Variants in CALN1 observed in about 807,000 individuals in gnomAD.
The protein encoded by CALN1 is calneuron 1, also known as calcium-binding protein 8.
CALN1 carries 17 observed loss-of-function variants against 30.6 expected under a neutral mutation model. The observed-to-expected ratio is 0.56, with a 90% CI of 0.38 to 0.83. The LOEUF (loss-of-function observed/expected upper bound fraction) is 0.83. Ranked by LOEUF, CALN1 falls within the 40% of genes least tolerant of loss-of-function variation. CALN1 has a pLI of 0.00. For missense variants in CALN1, 291 were observed against 354.9 expected, an observed-to-expected ratio of 0.82 and a Z score of 1.45; for synonymous variants, 156 against 131.4, an observed-to-expected ratio of 1.19 and a Z score of -1.28.
intron 2 of CALN1, among the ~76,000 whole-genome samples, chr7:72,345,044 A>T (rs1167212605): frequency 6.8e-6 from 1 of 148,120 alleles, no homozygotes; most frequent in African/African-American, 2.4e-5. Flanking sequence ...GTTATATATT[A>T]TATCGTATGT....
At chr7:72,344,231 A>G (rs1432062566) in intron 2 of CALN1, among the ~76,000 whole-genome samples, 1 of 152,124 alleles carries the variant, frequency 6.6e-6, no homozygotes, top group African/African-American at 2.4e-5. Context: ...GAGAGAGACA[A>G]GCCACCCCCA....
At chr7:71,795,870 G>A (rs1436761890) in intron 6 of CALN1, among the ~76,000 whole-genome samples, 2 of 140,998 alleles carry the variant, frequency 1.4e-5, no homozygotes, top group African/African-American at 2.7e-5. Flanking sequence ...CCAGGCTGGA[G>A]TGCAGCGGCA....
the CALN1 span, among the ~76,000 whole-genome samples, chr7:72,454,468 C>T: frequency 6.6e-6 from 1 of 152,160 alleles, no homozygotes; most frequent in Admixed American, 6.5e-5. Context: ...ATAAAGTGAC[C>T]AGTTTTGAAT....
chr7:72,462,021 G>GAA, the CALN1 span, among the ~76,000 whole-genome samples: 64 of 139,694 alleles, frequency 4.6e-4, 1 homozygote, highest in Admixed American at 2.1e-3. Context: ...AAGAAAGAAA[G>GAA]AAAAAAAAAA....
At chr7:71,828,223 C>T (rs2116386394) in intron 5 of CALN1, among the ~76,000 whole-genome samples, 1 of 152,282 alleles carries the variant, frequency 6.6e-6, no homozygotes, top group Non-Finnish European at 1.5e-5. Context: ...CAGCCCTTCA[C>T]ACCAGCTTGA....
intron 5 of CALN1, among the ~76,000 whole-genome samples, chr7:71,907,262 A>ACC (rs1794188338): frequency 6.6e-6 from 1 of 152,102 alleles, no homozygotes; most frequent in African/African-American, 2.4e-5. Flanking sequence ...ACACACACAC[A>ACC]CACACAACTT....
intron 2 of CALN1, among the ~76,000 whole-genome samples, chr7:72,350,043 T>A (rs1802839596): frequency 6.6e-6 from 1 of 152,220 alleles, no homozygotes; most frequent in African/African-American, 2.4e-5. Context: ...TAGGTTTCCT[T>A]CAAGGGTTTT....
chr7:72,403,222 G>A (rs1215231074), intron 2 of CALN1, 29 bp downstream of exon 2: 64 of 1,528,470 alleles, frequency 4.2e-5, no homozygotes, highest in East Asian at 4.9e-5. Context: ...AACAATCTAG[G>A]TCCTTGGGTT....
chr7:71,792,489 C>A (rs1022996715), intron 6 of CALN1, among the ~76,000 whole-genome samples: 1 of 152,134 alleles, frequency 6.6e-6, no homozygotes, highest in Non-Finnish European at 1.5e-5. Context: ...TTGGCTACTA[C>A]AAATAATGCT....
At chr7:72,266,708 G>A (rs1213911818) in intron 3 of CALN1, among the ~76,000 whole-genome samples, 3 of 152,050 alleles carry the variant, frequency 2.0e-5, no homozygotes, top group Non-Finnish European at 2.9e-5. Context: ...GTAGGTACTC[G>A]GGTTTCTTTC....
chr7:72,278,015 G>GGC lies in CALN1; in HGVS notation c.244+670_244+671insGC, dbSNP rs1554348573. 2.9e-5 allele frequency among the ~76,000 whole-genome samples: 4 copies of GGC among 137,716 alleles called. 1 individual carries two copies. Among genetic ancestry groups the GGC allele is most frequent in the African/African-American group, 1.1e-4 (4 of 37,986 alleles). 90.3% of individuals were successfully genotyped at this position (137,716 alleles called of 152,430 possible). ...CAACCTAATCCTCTATTCCGGGGGG[G>GGC]GGGGACTTGTTTTTCCTATTTTTAA... On this transcript the variant is annotated intron_variant, in intron 3 of 6. Coordinates refer to ENST00000395275, the MANE Select transcript of CALN1 (RefSeq NM_031468.4).
chr7:71,884,656 C>G (rs1792791003), intron 5 of CALN1, among the ~76,000 whole-genome samples: 1 of 152,038 alleles, frequency 6.6e-6, no homozygotes, highest in South Asian at 2.1e-4. Context: ...TCATGCCCTA[C>G]AAATCATAAA....
chr7:72,236,796 T>C (rs1357632309), intron 3 of CALN1, among the ~76,000 whole-genome samples: 2 of 152,148 alleles, frequency 1.3e-5, no homozygotes, highest in Non-Finnish European at 2.9e-5. Context: ...ATCTGTCACA[T>C]GGAAAAGACT....
chr7:71,846,774 A>G (rs1584356685), intron 5 of CALN1, among the ~76,000 whole-genome samples: 1 of 148,112 alleles, frequency 6.8e-6, no homozygotes, highest in East Asian at 2.0e-4. Flanking sequence ...ACACGTATAT[A>G]AATATATATA....
At chr7:72,131,449 C>A (rs1288528427) in intron 3 of CALN1, among the ~76,000 whole-genome samples, 1 of 152,138 alleles carries the variant, frequency 6.6e-6, no homozygotes, top group Non-Finnish European at 1.5e-5. Context: ...TTATTTATCG[C>A]TGCTCTTCAT....
At chr7:72,025,358 C>T (rs1320990631) in intron 4 of CALN1, among the ~76,000 whole-genome samples, 1 of 152,006 alleles carries the variant, frequency 6.6e-6, no homozygotes, top group Non-Finnish European at 1.5e-5. Context: ...ACCTTATATC[C>T]CAGTCACTGA....
At chr7:72,089,872 T>C (rs1584919737) in intron 4 of CALN1, among the ~76,000 whole-genome samples, 1 of 152,304 alleles carries the variant, frequency 6.6e-6, no homozygotes, top group East Asian at 1.9e-4. Flanking sequence ...ACAAGGCACA[T>C]GGGTAATGTG....
chr7:72,463,252 G>C, the CALN1 span, among the ~76,000 whole-genome samples: 1 of 152,172 alleles, frequency 6.6e-6, no homozygotes, highest in Non-Finnish European at 1.5e-5. Context: ...CTCCCCAGTA[G>C]CTGGGATTAC....
At chr7:72,084,525 A>AT (rs1055668532) in intron 4 of CALN1, among the ~76,000 whole-genome samples, 26 of 150,622 alleles carry the variant, frequency 1.7e-4, no homozygotes, top group Non-Finnish European at 2.8e-4. Flanking sequence ...TGCCCAGCTC[A>AT]TTTTTTTGTA....
Sources: gnomAD v4.1 joint callset for allele counts (sites outside exome capture counted in the v4.1 genomes callset) on GRCh38, gnomAD v4.1.1 for gene constraint, MANE v1.5 for transcripts, NCBI Gene and HGNC (gene_info 2026-07-23, HGNC 2026-07-21) for gene names.